ANO2: variants seen among roughly 807,000 people sequenced by gnomAD.
ANO2 encodes anoctamin 2, also known as anoctamin-2.
Under a neutral mutation model 124.2 loss-of-function variants are expected in ANO2, and 101 were observed. That is an observed-to-expected ratio of 0.81 (90% CI 0.69 to 0.96). The LOEUF (loss-of-function observed/expected upper bound fraction) is 0.96, where lower values mean the gene tolerates loss of function less well. Ranked by LOEUF, ANO2 falls within the 40% of genes least tolerant of loss-of-function variation. The probability of loss-of-function intolerance (pLI) is 0.00; values close to 1 mark genes in which losing one functional copy is unlikely to be tolerated. For synonymous variants in ANO2, 486 were observed against 482.5 expected (o/e 1.01, Z -0.09); for missense variants, 1,293 against 1,274.5 (o/e 1.01, Z -0.22).
At chr12:5,945,645 C>T (rs12312147), upstream of ANO2, among the ~76,000 whole-genome samples, 1,728 of 152,364 alleles carry the variant, frequency 0.011, 38 homozygotes, top group African/African-American at 0.04. Flanking sequence ...ACCTTCTTCC[C>T]GCCGCCCCAA....
intron 4 of ANO2, among the ~76,000 whole-genome samples, chr12:5,837,923 A>T (rs1359397878): frequency 1.3e-5 from 2 of 151,932 alleles, no homozygotes; most frequent in Non-Finnish European, 2.9e-5. Context: ...TGAATCCAGG[A>T]GCTGGTTTTT....
At chr12:5,706,036 C>T (rs556378680) in intron 14 of ANO2, among the ~76,000 whole-genome samples, 17 of 152,186 alleles carry the variant, frequency 1.1e-4, no homozygotes, top group Non-Finnish European at 1.8e-4. Context: ...TTCGGGATGC[C>T]ATGGAAAGAA....
chr12:5,854,163 CA>C, intron 3 of ANO2, 22 bp from the exon 4 acceptor site: 1 of 1,600,730 alleles, frequency 6.2e-7, no homozygotes, highest in Non-Finnish European at 8.6e-7. Context: ...AAAGAAAGAA[CA>C]AATGGAAACA....
intron 10 of ANO2, among the ~76,000 whole-genome samples, chr12:5,780,046 G>A (rs1163686471): frequency 6.6e-6 from 1 of 152,154 alleles, no homozygotes; most frequent in Non-Finnish European, 1.5e-5. Context: ...TAAACTTCCT[G>A]ATTTTGAAAA....
chr12:5,874,529 C>T (rs1337017929), intron 3 of ANO2, among the ~76,000 whole-genome samples: 1 of 152,224 alleles, frequency 6.6e-6, no homozygotes, highest in Non-Finnish European at 1.5e-5. Context: ...TTGTCACAGC[C>T]TCTTGCTCCT....
At chr12:5,723,859 A>C (rs961949646) in intron 14 of ANO2, among the ~76,000 whole-genome samples, 1 of 152,178 alleles carries the variant, frequency 6.6e-6, no homozygotes, top group African/African-American at 2.4e-5. Flanking sequence ...CAGTGTGCAC[A>C]GATCCTCTGA....
At chr12:5,847,119 C>A (rs963623446) in intron 4 of ANO2, among the ~76,000 whole-genome samples, 1 of 152,080 alleles carries the variant, frequency 6.6e-6, no homozygotes, top group Admixed American at 6.5e-5. Flanking sequence ...AGCAGATTAC[C>A]CTCCCTAATG....
chr12:5,905,868 G>T (rs1241880391), intron 3 of ANO2, among the ~76,000 whole-genome samples: 1 of 152,168 alleles, frequency 6.6e-6, no homozygotes. Context: ...TGGACCAGAT[G>T]ACAGCCTGTT....
chr12:5,852,739 T>C (rs1311500520), intron 4 of ANO2, among the ~76,000 whole-genome samples: 2 of 152,022 alleles, frequency 1.3e-5, no homozygotes, highest in Non-Finnish European at 2.9e-5. Flanking sequence ...GCAACAAATA[T>C]GGAATTCTGT....
intron 3 of ANO2, among the ~76,000 whole-genome samples, chr12:5,873,200 T>TCG (rs1937833730): frequency 7.2e-5 from 2 of 27,860 alleles, no homozygotes; most frequent in Non-Finnish European, 1.4e-4. Context: ...AAAGCAGCTC[T>TCG]CTCTCTCTCT....
chr12:5,880,702 A>C (rs1938425113), intron 3 of ANO2, among the ~76,000 whole-genome samples: 1 of 152,168 alleles, frequency 6.6e-6, no homozygotes, highest in Non-Finnish European at 1.5e-5. Flanking sequence ...ATTAAATAAT[A>C]AGGAGCAGAT....
At chr12:5,565,729 G>GTTTCACCCAGAGAA in intron 23 of ANO2, 66 bp from the exon 24 acceptor site, 1 of 1,329,604 alleles carries the variant, frequency 7.5e-7, no homozygotes, top group Non-Finnish European at 1.0e-6. Context: ...CATTCTCTGG[G>GTTTCACCCAGAGAA]TGAAACCTCG....
intron 10 of ANO2, among the ~76,000 whole-genome samples, chr12:5,758,825 A>T (rs1282743349): frequency 1.3e-5 from 2 of 152,240 alleles, no homozygotes; most frequent in Non-Finnish European, 2.9e-5. Context: ...AATGTATGGC[A>T]TTCAATAAAC....
intron 23 of ANO2, among the ~76,000 whole-genome samples, chr12:5,569,622 AG>A (rs1941981478): frequency 6.6e-6 from 1 of 152,178 alleles, no homozygotes; most frequent in Non-Finnish European, 1.5e-5. Context: ...TTCCGAACCT[AG>A]GTCCCTGATC....
intron 10 of ANO2, among the ~76,000 whole-genome samples, chr12:5,763,589 C>T (rs1428008691): frequency 6.6e-6 from 1 of 152,008 alleles, no homozygotes; most frequent in African/African-American, 2.4e-5. Flanking sequence ...AAACAACATC[C>T]TTCTAAATAA....
intron 3 of ANO2, among the ~76,000 whole-genome samples, chr12:5,913,312 C>T (rs572215765): frequency 1.2e-4 from 18 of 152,298 alleles, no homozygotes; most frequent in South Asian, 2.1e-4. Flanking sequence ...TCTGAGTGTT[C>T]GCCCTGTGAG....
chr12:5,611,829 G>A (rs1051298333), intron 19 of ANO2, among the ~76,000 whole-genome samples: 1 of 152,102 alleles, frequency 6.6e-6, no homozygotes, highest in Admixed American at 6.5e-5. Context: ...CATCTTTAAA[G>A]TGATTTTCGA....
At chr12:5,653,819 G>C (rs1947034065) in intron 14 of ANO2, among the ~76,000 whole-genome samples, 2 of 152,164 alleles carry the variant, frequency 1.3e-5, no homozygotes, top group Non-Finnish European at 1.5e-5. Flanking sequence ...ATTAAAGAGA[G>C]ACTTCAATGA....
intron 7 of ANO2, among the ~76,000 whole-genome samples, chr12:5,812,032 G>A (rs987648180): frequency 2.1e-5 from 3 of 142,054 alleles, no homozygotes; most frequent in African/African-American, 7.7e-5. Context: ...CCCCCCAAAA[G>A]AGAGAAAGGG....
Sources: gnomAD v4.1 joint callset for allele counts (sites outside exome capture counted in the v4.1 genomes callset) on GRCh38, gnomAD v4.1.1 for gene constraint, MANE v1.5 for transcripts, NCBI Gene and HGNC (gene_info 2026-07-23, HGNC 2026-07-21) for gene names.